TBC1D16: variants seen among roughly 807,000 people sequenced by gnomAD.
The protein encoded by TBC1D16 is CTD-2529O21.1.
In TBC1D16, 58 loss-of-function variants were observed where a neutral mutation model predicts 74.7. That is an observed-to-expected ratio of 0.78 (90% confidence interval 0.63 to 0.97). The LOEUF is 0.97. Among genes scored for constraint, TBC1D16 ranks in the 50% least tolerant of loss-of-function variants. The pLI is 0.00. For synonymous variants in TBC1D16, 493 were observed against 474.7 expected (o/e 1.04, Z -0.50); for missense variants, 1,014 against 1,079.5 (o/e 0.94, Z 0.85).
Position 79,934,150 on chromosome 17 carries a change from T to G in TBC1D16, c.*6709A>C, listed in dbSNP as rs1374593197. 1 of 152,238 alleles carries G rather than the reference T, an allele frequency of 6.6e-6. No homozygotes were observed. The highest frequency in any genetic ancestry group is 1.5e-5 in the Non-Finnish European group (1 of 68,054). 9.4% of individuals were successfully genotyped at this position (152,238 alleles called of 1,614,324 possible). Reference sequence around the variant, plus strand: ...CCGCCAGGTGGCACCTATGTTCTCTTGCCCGGCGTGGGTGACTACACAGTT... The same window carrying G: ...CCGCCAGGTGGCACCTATGTTCTCTGGCCCGGCGTGGGTGACTACACAGTT... On this transcript the variant is annotated 3_prime_UTR_variant, in exon 12 of 12. Coordinates refer to ENST00000310924, the MANE Select transcript of TBC1D16 (RefSeq NM_019020.4).
intron 3 of TBC1D16, among the ~76,000 whole-genome samples, chr17:79,995,686 G>A (rs2144549400): frequency 6.6e-6 from 1 of 152,070 alleles, no homozygotes; most frequent in Non-Finnish European, 1.5e-5. Flanking sequence ...TCGGGAGGCT[G>A]AGGCAGGAGA....
chr17:79,974,339 A>G (rs1199714231), intron 3 of TBC1D16, among the ~76,000 whole-genome samples: 2 of 152,030 alleles, frequency 1.3e-5, no homozygotes, highest in Non-Finnish European at 2.9e-5. Context: ...CCCGGGTTCA[A>G]GCGATTCTCC....
At chr17:79,970,395 G>GTACACTT (rs1304425178) in intron 3 of TBC1D16, among the ~76,000 whole-genome samples, 2 of 152,136 alleles carry the variant, frequency 1.3e-5, no homozygotes, top group African/African-American at 4.8e-5. Context: ...CCACTGCATT[G>GTACACTT]TACACTTTAA....
rs2033560938 is a variant in TBC1D16, at chr17:79,960,779, C to CAAAAAAAAAAAAAAACAAAAAAAAAAAA, written c.780-7962_780-7961insTTTTTTTTTTTTGTTTTTTTTTTTTTTT. Among the ~76,000 whole-genome samples, 2 of 33,948 alleles carry CAAAAAAAAAAAAAAACAAAAAAAAAAAA rather than the reference C, an allele frequency of 5.9e-5. 1 individual carries two copies. Among genetic ancestry groups the CAAAAAAAAAAAAAAACAAAAAAAAAAAA allele is most frequent in the Non-Finnish European group, 1.1e-4 (2 of 18,148 alleles). 22.3% of individuals were successfully genotyped at this position (33,948 alleles called of 152,430 possible). On this transcript the variant is annotated intron_variant, in intron 3 of 11. Transcript: ENST00000310924. The stretch of plus-strand genomic sequence containing the variant: ...CAAAAAAACCCAAAAAACAAAAACC[C>CAAAAAAAAAAAAAAACAAAAAAAAAAAA]AAAAAAAAAAAAAAAAAAAAAAAAA...
At chr17:79,965,325 G>A (rs537207663) in intron 3 of TBC1D16, among the ~76,000 whole-genome samples, 17 of 151,996 alleles carry the variant, frequency 1.1e-4, no homozygotes, top group Middle Eastern at 3.4e-3. Context: ...CAAATGATCC[G>A]CCTGCCTCGG....
At chr17:80,011,352 A>G (rs2035884471) in intron 2 of TBC1D16, among the ~76,000 whole-genome samples, 1 of 151,764 alleles carries the variant, frequency 6.6e-6, no homozygotes, top group Admixed American at 6.6e-5. Flanking sequence ...CAGGCTTGCC[A>G]TGCACCTTTC....
At chr17:80,019,367 A>G (rs2036205323) in intron 1 of TBC1D16, among the ~76,000 whole-genome samples, 1 of 149,456 alleles carries the variant, frequency 6.7e-6, no homozygotes, top group Non-Finnish European at 1.5e-5. Context: ...GAAACCCTGC[A>G]GCGTGAGACC....
At chr17:80,033,909 G>C (rs912157418) in intron 1 of TBC1D16, among the ~76,000 whole-genome samples, 1 of 152,220 alleles carries the variant, frequency 6.6e-6, no homozygotes, top group Non-Finnish European at 1.5e-5. Context: ...GTTTGTATAT[G>C]AATGGTGGGC....
intron 1 of TBC1D16, among the ~76,000 whole-genome samples, chr17:80,024,459 C>CTACACAT (rs2036433489): frequency 1.1e-3 from 10 of 8,744 alleles, no homozygotes; most frequent in Admixed American, 3.3e-3. Flanking sequence ...ACCACACACA[C>CTACACAT]CATAGACACA....
chr17:79,948,148 T>TA (rs1568575232), intron 8 of TBC1D16, among the ~76,000 whole-genome samples: 1 of 152,084 alleles, frequency 6.6e-6, no homozygotes, highest in Non-Finnish European at 1.5e-5. Flanking sequence ...CTGTCTCTAC[T>TA]AAAAATACAA....
intron 3 of TBC1D16, among the ~76,000 whole-genome samples, chr17:79,978,336 G>T (rs2034427687): frequency 6.6e-6 from 1 of 152,248 alleles, no homozygotes; most frequent in Non-Finnish European, 1.5e-5. Context: ...GGCTAATTAG[G>T]GAAGGTGTAA....
rs764175306 is a variant in TBC1D16 at position 79,975,991 on chromosome 17, C to T, written c.780-23173G>A. 2.1e-4 allele frequency among the ~76,000 whole-genome samples: 32 copies of T among 152,192 alleles called. No individual in the cohort carries two copies. The highest frequency in any genetic ancestry group is 2.8e-4 in the Non-Finnish European group (19 of 68,024). ...AACGGAGCCAGTCAGGGCATGGGGA[C>T]GCCAGGCAGCAGTGTCAGACTTGGC... is the stretch of plus-strand genomic sequence containing the variant. On this transcript the variant is annotated intron_variant, in intron 3 of 11. Coordinates refer to ENST00000310924, the MANE Select transcript of TBC1D16 (RefSeq NM_019020.4). The surrounding 1 kb of genome is among the most constrained non-coding windows in gnomAD (Gnocchi z 4.5).
At chr17:80,030,796 C>T (rs769862964) in intron 1 of TBC1D16, among the ~76,000 whole-genome samples, 10 of 152,014 alleles carry the variant, frequency 6.6e-5, no homozygotes, top group Non-Finnish European at 1.3e-4. Flanking sequence ...GTGGGGGCCA[C>T]GGGACGCAGC....
chr17:79,942,948 G>T (rs1346852977), intron 10 of TBC1D16, among the ~76,000 whole-genome samples: 1 of 152,248 alleles, frequency 6.6e-6, no homozygotes. Flanking sequence ...AGGTCCTGAC[G>T]GCTGCATCCT....
intron 1 of TBC1D16, among the ~76,000 whole-genome samples, chr17:80,025,015 CACACACCACAGATGCACA>C (rs1568649594): frequency 2.9e-3 from 53 of 18,238 alleles, no homozygotes; most frequent in Admixed American, 4.6e-3. Context: ...TAGACACACA[CACACACCACAGATGCACA>C]CATACCATGA....
rs1054379747 is a variant in TBC1D16, at chr17:79,979,224, G to A, written c.780-26406C>T. Among the ~76,000 whole-genome samples, 15 of 152,074 alleles carry A rather than the reference G, an allele frequency of 9.9e-5. No individual in the cohort carries two copies. The highest frequency in any genetic ancestry group is 4.2e-4 in the South Asian group (2 of 4,818). On this transcript the variant is annotated intron_variant, in intron 3 of 11. Transcript: ENST00000310924. The surrounding 1 kb of genome is among the most constrained non-coding windows in gnomAD (Gnocchi z 4.8). ...GCCAGAGCACACACGCTCCGGGGACGCACACCCACGCCTAGAGCACACACG... is the reference window on the plus strand; with the variant it reads ...GCCAGAGCACACACGCTCCGGGGACACACACCCACGCCTAGAGCACACACG...
At chr17:79,967,788 A>ATTG (rs1339235194) in intron 3 of TBC1D16, among the ~76,000 whole-genome samples, 6 of 152,192 alleles carry the variant, frequency 3.9e-5, no homozygotes, top group Non-Finnish European at 8.8e-5. Context: ...AGAATAGCCA[A>ATTG]AACAACATTG....
chr17:79,958,954 C>T (rs2033471537), intron 3 of TBC1D16, among the ~76,000 whole-genome samples: 1 of 152,234 alleles, frequency 6.6e-6, no homozygotes, highest in African/African-American at 2.4e-5. Flanking sequence ...AGGAACAGAA[C>T]TGCCCCTATT....
chr17:80,002,987 A>C (rs1308873675), intron 3 of TBC1D16, among the ~76,000 whole-genome samples: 5 of 152,142 alleles, frequency 3.3e-5, no homozygotes, highest in Admixed American at 1.3e-4. Flanking sequence ...ACGGAGAAGA[A>C]AGTCTCTTCC....
Sources: allele counts gnomAD v4.1 joint callset (sites outside exome capture counted in the v4.1 genomes callset), GRCh38; gene constraint gnomAD v4.1.1; non-coding constraint Gnocchi (gnomAD v3.1); transcripts MANE v1.5; gene names NCBI Gene and HGNC (gene_info 2026-07-23, HGNC 2026-07-21).